MTCL2: variants seen among roughly 807,000 people sequenced by gnomAD.
The protein encoded by MTCL2 is microtubule cross-linking factor 2.
At chr20:36,832,982 A>T in the MTCL2 span, among the ~76,000 whole-genome samples, 1 of 152,160 alleles carries the variant, frequency 6.6e-6, no homozygotes, top group African/African-American at 2.4e-5. Context: ...TTACAGAATC[A>T]GCTGGAACAT....
At chr20:36,786,111 G>C in the MTCL2 span, 1 of 991,024 alleles carries the variant, frequency 1.0e-6, no homozygotes, top group African/African-American at 1.7e-5. Flanking sequence ...TTCCCCAAAG[G>C]CATGGCCAGA....
At chr20:36,824,268 A>G in the MTCL2 span, among the ~76,000 whole-genome samples, 1,186 of 152,354 alleles carry the variant, frequency 7.8e-3, 17 homozygotes, top group African/African-American at 0.027. Flanking sequence ...ATAGTAGCCA[A>G]AACAACCCAG....
the MTCL2 span, among the ~76,000 whole-genome samples, chr20:36,827,225 G>A: frequency 6.6e-6 from 1 of 151,312 alleles, no homozygotes; most frequent in African/African-American, 2.4e-5. Context: ...ATTTTTTTTT[G>A]TATTTTTAGT....
the MTCL2 span, chr20:36,783,899 A>G: frequency 2.0e-6 from 2 of 985,478 alleles, no homozygotes; most frequent in Non-Finnish European, 2.4e-6. Context: ...AACATTTTCA[A>G]CCCCATCCAG....
chr20:36,836,490 G>A, the MTCL2 span, among the ~76,000 whole-genome samples: 9 of 151,678 alleles, frequency 5.9e-5, no homozygotes, highest in Non-Finnish European at 1.0e-4. Context: ...GAGTACAGGC[G>A]TGTACCACCA....
chr20:36,822,296 C>A, the MTCL2 span, among the ~76,000 whole-genome samples: 2 of 152,268 alleles, frequency 1.3e-5, no homozygotes, highest in South Asian at 2.1e-4. Flanking sequence ...TGGCTCTGGG[C>A]CTTGGGAGGG....
chr20:36,780,651 G>T, the MTCL2 span: 3 of 152,186 alleles, frequency 2.0e-5, no homozygotes, highest in Non-Finnish European at 4.4e-5. Context: ...TTTCCAAGGA[G>T]ACTCGCAGGC....
chr20:36,796,944 A>T, the MTCL2 span: 2 of 1,613,956 alleles, frequency 1.2e-6, no homozygotes, highest in Non-Finnish European at 1.7e-6. Flanking sequence ...GGATCTTCTC[A>T]CTGCGTGTCT....
the MTCL2 span, among the ~76,000 whole-genome samples, chr20:36,861,960 G>A: frequency 9.9e-3 from 1,507 of 152,340 alleles, 15 homozygotes; most frequent in Middle Eastern, 0.014. Flanking sequence ...CACTGGCCAC[G>A]AGGGGCCAAT....
chr20:36,824,771 A>G, the MTCL2 span, among the ~76,000 whole-genome samples: 1 of 150,888 alleles, frequency 6.6e-6, no homozygotes, highest in South Asian at 2.1e-4. Context: ...TCCCACCTCA[A>G]CCTCTTGGGT....
the MTCL2 span, chr20:36,815,878 C>T: frequency 1.2e-6 from 2 of 1,608,878 alleles, no homozygotes; most frequent in Non-Finnish European, 1.7e-6. This position sits in a 1 kb window ranked among gnomAD's most constrained non-coding sequence, Gnocchi z 5.3. Context: ...AGCTCGGCCT[C>T]CTCTTCGACA....
the MTCL2 span, among the ~76,000 whole-genome samples, chr20:36,845,463 G>A: frequency 6.6e-6 from 1 of 152,278 alleles, no homozygotes; most frequent in Non-Finnish European, 1.5e-5. Context: ...CTCTCCAGGG[G>A]GGCCTAGGCC....
chr20:36,827,629 C>T, the MTCL2 span, among the ~76,000 whole-genome samples: 2 of 152,018 alleles, frequency 1.3e-5, no homozygotes, highest in African/African-American at 4.8e-5. Context: ...ACCGTGCAGG[C>T]TTTGCTTGTT....
At chr20:36,823,482 C>A in the MTCL2 span, among the ~76,000 whole-genome samples, 1 of 152,090 alleles carries the variant, frequency 6.6e-6, no homozygotes, top group South Asian at 2.1e-4. Context: ...TCACAAACAC[C>A]TCTGAGAAGT....
chr20:36,797,317 G>C, the MTCL2 span, among the ~76,000 whole-genome samples: 2 of 151,998 alleles, frequency 1.3e-5, no homozygotes, highest in African/African-American at 2.4e-5. Flanking sequence ...CTGGGTGGTT[G>C]GGTTTTTTTT....
At chr20:36,855,660 C>T in the MTCL2 span, among the ~76,000 whole-genome samples, 2 of 152,158 alleles carry the variant, frequency 1.3e-5, no homozygotes, top group African/African-American at 4.8e-5. Flanking sequence ...CTCTCTGCCC[C>T]GGAGGCTATG....
chr20:36,856,546 A>G, the MTCL2 span, among the ~76,000 whole-genome samples: 1 of 152,222 alleles, frequency 6.6e-6, no homozygotes, highest in African/African-American at 2.4e-5. Context: ...CACTTCACTC[A>G]GCCCCACTGG....
the MTCL2 span, among the ~76,000 whole-genome samples, chr20:36,859,357 A>G: frequency 2.6e-5 from 4 of 152,198 alleles, no homozygotes; most frequent in Admixed American, 2.6e-4. Flanking sequence ...CGGCAGCTAA[A>G]GCTGCATCTT....
chr20:36,839,570 T>C, the MTCL2 span: 6 of 716,960 alleles, frequency 8.4e-6, no homozygotes, highest in East Asian at 1.7e-4. The surrounding 1 kb of genome is among the most constrained non-coding windows in gnomAD (Gnocchi z 5.1). Context: ...ATGACAGACC[T>C]CCAAAGACGT....
Sources: gnomAD v4.1 joint callset for allele counts (sites outside exome capture counted in the v4.1 genomes callset) on GRCh38, gnomAD v4.1.1 for gene constraint, Gnocchi (gnomAD v3.1) non-coding constraint, MANE v1.5 for transcripts, NCBI Gene and HGNC (gene_info 2026-07-23, HGNC 2026-07-21) for gene names.